The following CTNNA3 variants were observed in gnomAD, a reference collection of about 807,000 sequenced individuals.
The protein encoded by CTNNA3 is catenin alpha-3.
In CTNNA3, 76 loss-of-function variants were observed where a neutral mutation model predicts 95.7. The observed-to-expected ratio is 0.79, with a 90% confidence interval of 0.66 to 0.96. The LOEUF (loss-of-function observed/expected upper bound fraction) is 0.96, where lower values mean the gene tolerates loss of function less well. Ranked by LOEUF, CTNNA3 falls within the 40% of genes least tolerant of loss-of-function variation. The probability of loss-of-function intolerance (pLI) is 0.00; values close to 1 mark genes in which losing one functional copy is unlikely to be tolerated. For synonymous variants in CTNNA3, 431 were observed against 374.4 expected (o/e 1.15, Z -1.74); for missense variants, 1,191 against 1,089.8 (o/e 1.09, Z -1.31).
intron 5 of CTNNA3, among the ~76,000 whole-genome samples, chr10:67,394,158 C>T (rs1844630790): frequency 6.6e-6 from 1 of 152,046 alleles, no homozygotes; most frequent in African/African-American, 2.4e-5. Flanking sequence ...TGTGATATCA[C>T]ATACACAATG....
At chr10:66,073,253 T>A (rs1589328199) in intron 14 of CTNNA3, among the ~76,000 whole-genome samples, 1 of 152,282 alleles carries the variant, frequency 6.6e-6, no homozygotes, top group East Asian at 1.9e-4. Flanking sequence ...TCTTGAAACA[T>A]GCTGAGTGAG....
chr10:67,167,759 G>T lies in CTNNA3; in HGVS notation c.1047+12558C>A, dbSNP rs1456198093. ...CTAGGAATGACAGCATGGTGAGGTA[G>T]CTCTAGATATCCCTGACCTAAGTAT... On this transcript the variant is annotated intron_variant, in intron 7 of 17. Coordinates refer to ENST00000433211, the MANE Select transcript of CTNNA3 (RefSeq NM_013266.4). 2.6e-5 allele frequency among the ~76,000 whole-genome samples: 4 copies of T among 152,180 alleles called. No individual in the cohort carries two copies. In the East Asian group the frequency reaches 7.7e-4, roughly 29 times the overall value.
intron 7 of CTNNA3, among the ~76,000 whole-genome samples, chr10:66,787,002 C>T (rs901522406): frequency 2.0e-5 from 3 of 152,172 alleles, no homozygotes; most frequent in African/African-American, 7.2e-5. Context: ...CAAAGAAAAT[C>T]CTTCTCTATT....
At chr10:66,402,425 A>G (rs997527169) in intron 11 of CTNNA3, among the ~76,000 whole-genome samples, 1 of 152,198 alleles carries the variant, frequency 6.6e-6, no homozygotes, top group Non-Finnish European at 1.5e-5. Flanking sequence ...TAAGCGTTCA[A>G]TAAAAGTTGT....
intron 9 of CTNNA3, among the ~76,000 whole-genome samples, chr10:66,695,165 G>T (rs1357339820): frequency 6.6e-6 from 1 of 152,134 alleles, no homozygotes; most frequent in Non-Finnish European, 1.5e-5. Flanking sequence ...TTTCAAAGAT[G>T]CACATTAAAT....
chr10:67,661,715 G>C (rs900617719), intron 1 of CTNNA3, among the ~76,000 whole-genome samples: 3 of 151,112 alleles, frequency 2.0e-5, no homozygotes, highest in African/African-American at 4.9e-5. Context: ...TCTTTAAATG[G>C]GCAAAAAAAA....
At chr10:66,241,787 A>G (rs926065020) in intron 13 of CTNNA3, among the ~76,000 whole-genome samples, 2 of 152,058 alleles carry the variant, frequency 1.3e-5, no homozygotes, top group Non-Finnish European at 2.9e-5. Context: ...TAAGCAAAAA[A>G]CCTATGTAAA....
intron 5 of CTNNA3, among the ~76,000 whole-genome samples, chr10:67,310,260 C>T (rs1001402355): frequency 2.6e-5 from 4 of 152,020 alleles, no homozygotes; most frequent in Admixed American, 2.0e-4. Flanking sequence ...ATGCATCTTC[C>T]GACATCTAAA....
At position 65,916,556 on chromosome 10, in the gene CTNNA3, T is replaced by C. The variant is rs995202032; in HGVS notation, c.*3774A>G. The C allele has an allele frequency of 1.3e-5, 2 of 152,154 alleles. No homozygotes were observed. Among genetic ancestry groups the C allele is most frequent in the African/African-American group, 2.4e-5 (1 of 41,432 alleles). 9.4% of individuals were successfully genotyped at this position (152,154 alleles called of 1,614,324 possible). A position where few individuals can be genotyped will look rare whatever the true frequency, so the allele number is the denominator to read the frequency against. On this transcript the variant is annotated 3_prime_UTR_variant, in exon 18 of 18. Coordinates refer to ENST00000433211, the MANE Select transcript of CTNNA3 (RefSeq NM_013266.4). ...AATCTCTAGGACAGAAATGAACATT[T>C]GATACCAAAATTTAAGAATGTTTTG...
At chr10:67,040,021 T>A (rs1854295741) in intron 7 of CTNNA3, among the ~76,000 whole-genome samples, 1 of 152,120 alleles carries the variant, frequency 6.6e-6, no homozygotes, top group African/African-American at 2.4e-5. Context: ...GTGCTGATCA[T>A]GAGGAGGGTT....
At chr10:66,657,061 C>A (rs1846096666) in intron 9 of CTNNA3, among the ~76,000 whole-genome samples, 2 of 151,968 alleles carry the variant, frequency 1.3e-5, no homozygotes, top group Admixed American at 1.3e-4. Context: ...GATGCAGTGC[C>A]AGTTTTAATG....
upstream of CTNNA3, among the ~76,000 whole-genome samples, chr10:67,699,319 C>T (rs945823722): frequency 6.6e-6 from 1 of 152,160 alleles, no homozygotes; most frequent in Non-Finnish European, 1.5e-5. Context: ...TATGTTTTTA[C>T]CTCTCACTTC....
At chr10:67,421,269 T>C (rs1845741644) in intron 5 of CTNNA3, among the ~76,000 whole-genome samples, 1 of 152,236 alleles carries the variant, frequency 6.6e-6, no homozygotes, top group South Asian at 2.1e-4. Context: ...GAAATGTCTG[T>C]ATAAAATAGA....
In CTNNA3 at chr10:66,927,605, G is replaced by A; in HGVS notation, c.1048-152081C>T. 6.2e-7 allele frequency: 1 copy of A among 1,614,168 alleles called. No individual in the cohort carries two copies. The highest frequency in any genetic ancestry group is 8.5e-7 in the Non-Finnish European group (1 of 1,180,040). On this transcript the variant is annotated intron_variant, in intron 7 of 17. Transcript: ENST00000433211. The surrounding 1 kb of genome is among the most constrained non-coding windows in gnomAD (Gnocchi z 4.7). The stretch of plus-strand genomic sequence containing the variant: ...CTGGCCCTTTTTCCAAGGTTGGTCA[G>A]CCTTCAGAACCTTTACTTGCAGTGG...
chr10:66,381,884 G>T (rs2092841857), intron 11 of CTNNA3, among the ~76,000 whole-genome samples: 1 of 152,028 alleles, frequency 6.6e-6, no homozygotes, highest in Non-Finnish European at 1.5e-5. Flanking sequence ...GACCTTAGAA[G>T]GTATAGTAAT....
chr10:66,279,248 A>T (rs989465342), intron 13 of CTNNA3, among the ~76,000 whole-genome samples: 3 of 152,052 alleles, frequency 2.0e-5, no homozygotes, highest in South Asian at 4.1e-4. Flanking sequence ...ATAGCCAGTG[A>T]CATTCAGGCC....
At chr10:67,417,310 G>T (rs533308327) in intron 5 of CTNNA3, among the ~76,000 whole-genome samples, 2 of 152,210 alleles carry the variant, frequency 1.3e-5, no homozygotes, top group Admixed American at 1.3e-4. Context: ...TGGAAGGCAG[G>T]GGATATTGGG....
chr10:66,798,314 T>C (rs937116622), intron 7 of CTNNA3, among the ~76,000 whole-genome samples: 1 of 151,830 alleles, frequency 6.6e-6, no homozygotes, highest in African/African-American at 2.4e-5. Context: ...AGTTAATATA[T>C]TTAGAACTAT....
chr10:67,642,602 C>G (rs368222683), intron 2 of CTNNA3, among the ~76,000 whole-genome samples: 14 of 151,894 alleles, frequency 9.2e-5, no homozygotes, highest in African/African-American at 3.4e-4. Flanking sequence ...CCTGTAAATC[C>G]AGCTACCAGG....
Sources: allele counts gnomAD v4.1 joint callset (sites outside exome capture counted in the v4.1 genomes callset), GRCh38; gene constraint gnomAD v4.1.1; non-coding constraint Gnocchi (gnomAD v3.1); transcripts MANE v1.5; gene names NCBI Gene and HGNC (gene_info 2026-07-23, HGNC 2026-07-21).